Variants in ATRNL1 observed in about 807,000 individuals in gnomAD.
ATRNL1 encodes attractin like 1, also known as attractin-like protein 1.
In ATRNL1, 95 loss-of-function variants were observed where a neutral mutation model predicts 182.7. That is an observed-to-expected ratio of 0.52 (90% confidence interval 0.44 to 0.62). The LOEUF is 0.62. ATRNL1 is among the 20% of genes least tolerant of loss of function. ATRNL1 has a pLI of 0.00. For missense variants in ATRNL1, 1,471 were observed against 1,679.5 expected, an observed-to-expected ratio of 0.88 and a Z score of 2.17; for synonymous variants, 576 against 568.3, an observed-to-expected ratio of 1.01 and a Z score of -0.19.
chr10:115,904,318 C>G lies in ATRNL1; in HGVS notation c.4019-40340C>G, dbSNP rs553035617. Reference sequence around the variant, plus strand: ...CATTTGGGGTTTTGAGTCAACTGTGCTCCCCTCCACAGGAAATCTGACTAG... The same window carrying G: ...CATTTGGGGTTTTGAGTCAACTGTGGTCCCCTCCACAGGAAATCTGACTAG... On this transcript the variant is annotated intron_variant, in intron 28 of 28. Coordinates refer to ENST00000355044, the MANE Select transcript of ATRNL1 (RefSeq NM_207303.4). Among the ~76,000 whole-genome samples the G allele has an allele frequency of 2.0e-5, 3 of 152,254 alleles. No individual in the cohort carries two copies. The South Asian group carries it at 6.2e-4, about 32-fold the overall frequency.
At chr10:115,243,456 C>T (rs1850505437) in intron 10 of ATRNL1, among the ~76,000 whole-genome samples, 1 of 151,930 alleles carries the variant, frequency 6.6e-6, no homozygotes, top group South Asian at 2.1e-4. Context: ...AATCTTTAAC[C>T]TACCTTGTAG....
At chr10:115,196,664 A>G (rs538378909) in intron 8 of ATRNL1, among the ~76,000 whole-genome samples, 3 of 152,176 alleles carry the variant, frequency 2.0e-5, no homozygotes, top group African/African-American at 7.2e-5. Context: ...AATATTTCAT[A>G]TTTTTAATAT....
intron 24 of ATRNL1, among the ~76,000 whole-genome samples, chr10:115,518,767 T>TC (rs1161916849): frequency 6.6e-6 from 1 of 151,978 alleles, no homozygotes; most frequent in Non-Finnish European, 1.5e-5. Context: ...GAGAACGACT[T>TC]CAACTTTTTG....
intron 6 of ATRNL1, among the ~76,000 whole-genome samples, chr10:115,161,244 C>A (rs1846770215): frequency 6.6e-6 from 1 of 151,630 alleles, no homozygotes; most frequent in Non-Finnish European, 1.5e-5. Flanking sequence ...TTGAATGCGA[C>A]TGAAATTAAA....
At chr10:115,266,495 C>T (rs1476091281) in intron 11 of ATRNL1, among the ~76,000 whole-genome samples, 1 of 151,324 alleles carries the variant, frequency 6.6e-6, no homozygotes, top group Admixed American at 6.6e-5. Context: ...ATCATTGTTT[C>T]TTTTCCTTTC....
intron 26 of ATRNL1, among the ~76,000 whole-genome samples, chr10:115,644,530 A>T (rs533910512): frequency 8.0e-4 from 122 of 152,326 alleles, no homozygotes; most frequent in African/African-American, 2.9e-3. Flanking sequence ...CAAAGTCTGT[A>T]TACTTTTGCC....
intron 28 of ATRNL1, among the ~76,000 whole-genome samples, chr10:115,871,469 T>TATATATATA (rs1951579875): frequency 2.9e-5 from 4 of 140,296 alleles, no homozygotes; most frequent in African/African-American, 1.1e-4. Context: ...GTCAGATTCT[T>TATATATATA]TGTGTGTGTG....
intron 27 of ATRNL1, among the ~76,000 whole-genome samples, chr10:115,781,824 C>G (rs565234799): frequency 6.6e-6 from 1 of 152,232 alleles, no homozygotes; most frequent in East Asian, 1.9e-4. Flanking sequence ...AGCTATATTT[C>G]AATAACAACC....
At chr10:115,148,130 C>T (rs148794604) in intron 5 of ATRNL1, among the ~76,000 whole-genome samples, 2 of 152,128 alleles carry the variant, frequency 1.3e-5, no homozygotes, top group African/African-American at 4.8e-5. Flanking sequence ...TTTCTTTCTT[C>T]TGTGTTTTGT....
chr10:115,127,039 A>G (rs1289986487), intron 3 of ATRNL1, among the ~76,000 whole-genome samples: 1 of 152,204 alleles, frequency 6.6e-6, no homozygotes. Flanking sequence ...GATATGCAAA[A>G]TTAGAAAAAC....
chr10:115,587,807 A>G (rs943514572), intron 26 of ATRNL1, among the ~76,000 whole-genome samples: 5 of 152,264 alleles, frequency 3.3e-5, no homozygotes, highest in Middle Eastern at 3.4e-3. Context: ...TTTGACACTA[A>G]ACTTTTAAAG....
At chr10:115,885,157 G>A (rs1484583874) in intron 28 of ATRNL1, among the ~76,000 whole-genome samples, 1 of 152,198 alleles carries the variant, frequency 6.6e-6, no homozygotes, top group African/African-American at 2.4e-5. Context: ...GACTGTGTAA[G>A]TAGAGAGTAC....
At chr10:115,759,452 A>G (rs955763265) in intron 27 of ATRNL1, among the ~76,000 whole-genome samples, 23 of 152,224 alleles carry the variant, frequency 1.5e-4, no homozygotes, top group Admixed American at 7.9e-4. Context: ...TGATAACCAA[A>G]AATGTCTCCT....
intron 8 of ATRNL1, among the ~76,000 whole-genome samples, chr10:115,205,003 C>T (rs929469165): frequency 1.3e-5 from 2 of 152,014 alleles, no homozygotes; most frequent in Non-Finnish European, 2.9e-5. Flanking sequence ...AACATCTTAA[C>T]TTAGATCACA....
At chr10:115,139,673 C>G (rs1053503648) in intron 5 of ATRNL1, among the ~76,000 whole-genome samples, 2 of 152,142 alleles carry the variant, frequency 1.3e-5, no homozygotes. Context: ...CACAACCAAA[C>G]CATATCAGTT....
intron 19 of ATRNL1, among the ~76,000 whole-genome samples, chr10:115,345,725 C>A (rs1855946299): frequency 6.6e-6 from 1 of 152,154 alleles, no homozygotes; most frequent in African/African-American, 2.4e-5. Context: ...CATTTTTTAT[C>A]ATCCCAAAAG....
intron 21 of ATRNL1, among the ~76,000 whole-genome samples, chr10:115,438,596 A>G (rs782120870): frequency 6.6e-6 from 1 of 151,998 alleles, no homozygotes. Flanking sequence ...TTTTCATGCA[A>G]TGTGTTTTAC....
intron 26 of ATRNL1, among the ~76,000 whole-genome samples, chr10:115,633,070 T>G (rs1275258948): frequency 6.6e-6 from 1 of 151,824 alleles, no homozygotes; most frequent in Non-Finnish European, 1.5e-5. Flanking sequence ...TTTTTGTATT[T>G]TGTTTTGTTT....
chr10:115,262,434 G>T (rs1013171807), intron 10 of ATRNL1, among the ~76,000 whole-genome samples: 3 of 151,892 alleles, frequency 2.0e-5, no homozygotes, highest in Non-Finnish European at 2.9e-5. Context: ...GTTGCAAAAA[G>T]ATTGAAGACC....
Sources: allele counts gnomAD v4.1 joint callset (sites outside exome capture counted in the v4.1 genomes callset), GRCh38; gene constraint gnomAD v4.1.1; transcripts MANE v1.5; gene names NCBI Gene and HGNC (gene_info 2026-07-23, HGNC 2026-07-21).